The following FOXK2 variants were observed in gnomAD, a reference collection of about 807,000 sequenced individuals.
The protein encoded by FOXK2 is forkhead box protein K2.
FOXK2 carries 24 observed loss-of-function variants against 53.3 expected under a neutral mutation model. That is an observed-to-expected ratio of 0.45 (90% CI 0.33 to 0.63). FOXK2 has a LOEUF of 0.63. Ranked by LOEUF, FOXK2 falls within the 30% of genes least tolerant of loss-of-function variation. The pLI is 0.03. For missense variants in FOXK2, 952 were observed against 910.5 expected, an observed-to-expected ratio of 1.05 and a Z score of -0.59; for synonymous variants, 505 against 407.1, an observed-to-expected ratio of 1.24 and a Z score of -2.89.
intron 8 of FOXK2, chr17:82,594,060 C>G (rs2045283905): frequency 6.6e-6 from 1 of 152,260 alleles, no homozygotes; most frequent in South Asian, 2.1e-4. Context: ...GCTCCGGCGT[C>G]TCTGTCCACA....
intron 3 of FOXK2, among the ~76,000 whole-genome samples, chr17:82,569,319 C>T (rs768160012): frequency 3.9e-5 from 6 of 152,202 alleles, no homozygotes; most frequent in African/African-American, 9.6e-5. Context: ...AAGGAGGGCG[C>T]GTCGCGTGTG....
At chr17:82,547,076 C>CAAA (rs57383328) in intron 1 of FOXK2, among the ~76,000 whole-genome samples, 2 of 112,276 alleles carry the variant, frequency 1.8e-5, no homozygotes, top group Admixed American at 9.1e-5. Context: ...AAAACTCCAT[C>CAAA]AAAAAAAAAA....
intron 1 of FOXK2, among the ~76,000 whole-genome samples, chr17:82,550,300 T>C (rs571047366): frequency 6.6e-6 from 1 of 152,314 alleles, no homozygotes; most frequent in East Asian, 1.9e-4. Flanking sequence ...TTCCCAGGAA[T>C]ACGTGTCTGA....
At chr17:82,523,156 A>T (rs995865742) in intron 1 of FOXK2, among the ~76,000 whole-genome samples, 1 of 152,186 alleles carries the variant, frequency 6.6e-6, no homozygotes, top group African/African-American at 2.4e-5. Context: ...AAGGGCAGTG[A>T]GATGGAGGCT....
intron 1 of FOXK2, among the ~76,000 whole-genome samples, chr17:82,562,568 G>A (rs967969224): frequency 2.7e-5 from 4 of 149,254 alleles, no homozygotes; most frequent in African/African-American, 9.9e-5. Flanking sequence ...CGACAAGAAC[G>A]AAACTCTGTT....
intron 1 of FOXK2, among the ~76,000 whole-genome samples, chr17:82,529,302 A>C (rs983945738): frequency 7.2e-4 from 97 of 135,478 alleles, no homozygotes; most frequent in African/African-American, 2.7e-3. Context: ...GGCTCATTGC[A>C]GTGTCCACCT....
chr17:82,587,499 T>C (rs994846762), intron 8 of FOXK2: 4 of 562,676 alleles, frequency 7.1e-6, no homozygotes, highest in Non-Finnish European at 6.4e-6. Flanking sequence ...GAGTTTCTAA[T>C]ACATTGAGAG....
rs983619156 is a variant in FOXK2 at position 82,576,974 on chromosome 17, A to C, written c.909+5104A>C. On this transcript the variant is annotated intron_variant, in intron 4 of 8. Coordinates refer to ENST00000335255, the MANE Select transcript of FOXK2 (RefSeq NM_004514.4). ...TGGAGGGTTCGAGACCAGATGACCAACACGGAGAAACTACATCTCTACTAA... is the reference window on the plus strand; with the variant it reads ...TGGAGGGTTCGAGACCAGATGACCACCACGGAGAAACTACATCTCTACTAA... 8 of 388,818 alleles carry C rather than the reference A, an allele frequency of 2.1e-5. No individual in the cohort carries two copies. The East Asian group carries it at 4.5e-4, about 22-fold the overall frequency. 24.1% of individuals were successfully genotyped at this position (388,818 alleles called of 1,614,324 possible).
chr17:82,582,507 C>T (rs1002930493), intron 4 of FOXK2, among the ~76,000 whole-genome samples: 4 of 152,146 alleles, frequency 2.6e-5, no homozygotes, highest in African/African-American at 9.7e-5. Flanking sequence ...TCTCTGTCAT[C>T]GTTTATAAGC....
intron 1 of FOXK2, among the ~76,000 whole-genome samples, chr17:82,536,448 G>A (rs1225243402): frequency 6.6e-6 from 1 of 152,084 alleles, no homozygotes; most frequent in Non-Finnish European, 1.5e-5. Flanking sequence ...AGGATATAGG[G>A]GCCCTTTTAT....
At chr17:82,549,454 A>C (rs1353089218) in intron 1 of FOXK2, among the ~76,000 whole-genome samples, 3 of 151,132 alleles carry the variant, frequency 2.0e-5, no homozygotes, top group Non-Finnish European at 4.4e-5. Flanking sequence ...GAGAGGGGCC[A>C]AAACCCCCAA....
Position 82,587,160 on chromosome 17 carries a change from C to G in FOXK2, c.1674C>G (p.Thr558=). 6.2e-7 allele frequency: 1 copy of G among 1,613,098 alleles called. No homozygotes were observed. Among genetic ancestry groups the G allele is most frequent in the Non-Finnish European group, 8.5e-7 (1 of 1,180,016 alleles). Residue 558 remains threonine, a synonymous_variant, in exon 8 of 9, where the codon ACC becomes ACG. Coordinates refer to ENST00000335255, the MANE Select transcript of FOXK2 (RefSeq NM_004514.4). ...TAQTTPVQTV[T]IVQQAPLGQH... is the part of the protein sequence containing the mutation. ...AGACCACCCCGGTCCAGACGGTGAC[C>G]ATAGTACAACAGGCACCTCTAGGTC...
At chr17:82,570,082 C>T (rs1331757899) in intron 3 of FOXK2, among the ~76,000 whole-genome samples, 16 of 151,380 alleles carry the variant, frequency 1.1e-4, no homozygotes, top group African/African-American at 2.2e-4. Flanking sequence ...ATTAGCTGGG[C>T]GTGTTGGCAG....
chr17:82,590,445 G>A (rs1201212617), intron 8 of FOXK2, among the ~76,000 whole-genome samples: 4 of 152,160 alleles, frequency 2.6e-5, no homozygotes, highest in East Asian at 1.9e-4. Context: ...GTGAGCCACC[G>A]CCTCTGGCCA....
chr17:82,573,929 G>C (rs2044951969), intron 4 of FOXK2, among the ~76,000 whole-genome samples: 1 of 152,248 alleles, frequency 6.6e-6, no homozygotes, highest in African/African-American at 2.4e-5. Context: ...TCAGTTTTGG[G>C]GGGGCCCAAG....
chr17:82,563,569 G>T lies in FOXK2; in HGVS notation c.614+21G>T, dbSNP rs1354971088. On this transcript the variant is annotated intron_variant, in intron 2 of 8. Coordinates refer to ENST00000335255, the MANE Select transcript of FOXK2 (RefSeq NM_004514.4). Reference sequence around the variant, plus strand: ...ATCAGGTGCGGCCATGGGGATGGGGGACTGGAGCATCCTTAGTCCCAGTGG... The same window carrying T: ...ATCAGGTGCGGCCATGGGGATGGGGTACTGGAGCATCCTTAGTCCCAGTGG... 5.6e-6 allele frequency: 9 copies of T among 1,603,848 alleles called. No homozygotes were observed. The South Asian group carries it at 7.8e-5, about 14-fold the overall frequency.
chr17:82,594,495 C>CAAA (rs67410458), intron 8 of FOXK2, among the ~76,000 whole-genome samples: 5 of 116,682 alleles, frequency 4.3e-5, no homozygotes, highest in Admixed American at 9.1e-5. Context: ...GAGACTGTCT[C>CAAA]AAAAAAAAAA....
intron 8 of FOXK2, chr17:82,600,959 C>T: frequency 4.8e-6 from 1 of 206,968 alleles, no homozygotes. Flanking sequence ...TGGACTCAGC[C>T]TTTCTCCCCC....
At chr17:82,559,567 G>A (rs367851191) in intron 1 of FOXK2, 4 of 445,186 alleles carry the variant, frequency 9.0e-6, no homozygotes, top group East Asian at 7.0e-5. Context: ...GAGATGATGG[G>A]TGGGAGTCTA....
Sources: allele counts gnomAD v4.1 joint callset (sites outside exome capture counted in the v4.1 genomes callset), GRCh38; gene constraint gnomAD v4.1.1; transcripts MANE v1.5; gene names NCBI Gene and HGNC (gene_info 2026-07-23, HGNC 2026-07-21).